PDE4D: variants seen among roughly 807,000 people sequenced by gnomAD.
PDE4D encodes the protein 3',5'-cyclic-AMP phosphodiesterase 4D.
A neutral mutation model predicts 87.4 loss-of-function variants in PDE4D; 24 were observed. The observed-to-expected ratio is 0.27, with a 90% CI of 0.20 to 0.39. The LOEUF (loss-of-function observed/expected upper bound fraction) is 0.39. PDE4D is among the 10% of genes least tolerant of loss of function. The pLI, the probability that PDE4D is intolerant of heterozygous loss-of-function variation, is 1.00. For missense variants in PDE4D, 714 were observed against 1,041.0 expected (o/e 0.69, Z 4.32); for synonymous variants, 384 against 383.2 (o/e 1.00, Z -0.02).
intron 1 of PDE4D, among the ~76,000 whole-genome samples, chr5:60,266,397 T>G (rs1750217328): frequency 1.3e-5 from 2 of 152,196 alleles, no homozygotes; most frequent in Non-Finnish European, 2.9e-5. Context: ...TCTGGCAATC[T>G]AAAATTTTTG....
At chr5:59,208,548 C>T (rs1749345839) in intron 2 of PDE4D, among the ~76,000 whole-genome samples, 1 of 152,164 alleles carries the variant, frequency 6.6e-6, no homozygotes, top group African/African-American at 2.4e-5. Flanking sequence ...GCATTAAAAT[C>T]AATGCTTTAT....
Position 58,974,828 on chromosome 5 carries a change from C to T in PDE4D, c.2266G>A (p.Val756Met), listed in dbSNP as rs752733564. The T allele has an allele frequency of 6.2e-7, 1 of 1,613,576 alleles. No homozygotes were observed. The highest frequency in any genetic ancestry group is 8.5e-7 in the Non-Finnish European group (1 of 1,179,640). Residue 756 changes from valine to methionine, a missense_variant, in exon 15 of 15, where the codon GTG becomes ATG. Val to Met is a conservative substitution (Grantham distance 21). Around this residue, in one of 7 missense-constraint regions of PDE4D, gnomAD observed 90 missense variants for 95.3 expected, o/e 0.94. Transcript: ENST00000340635. ...SDTEKDSGSQVEEDTSCSDSK... is the reference protein window; with the variant it reads ...SDTEKDSGSQMEEDTSCSDSK... Reference sequence around the variant, plus strand: ...TCACTGCAGCTAGTGTCTTCTTCCACTTGACTGCCACTGTCCTTTTCCGTG... The same window carrying T: ...TCACTGCAGCTAGTGTCTTCTTCCATTTGACTGCCACTGTCCTTTTCCGTG...
rs911426574 is a variant in PDE4D, at chr5:59,873,437, T to C, written c.455+19731A>G. On this transcript the variant is annotated intron_variant, in intron 1 of 14. Transcript: ENST00000340635. ...AGCTCACCAGATGCAGGAGTGGGAT[T>C]TGCCACTCCAACTATGCAGAAGCTT... 5.9e-5 allele frequency among the ~76,000 whole-genome samples: 9 copies of C among 152,172 alleles called. No individual in the cohort carries two copies. In the South Asian group the frequency reaches 1.9e-3, roughly 32 times the overall value.
At chr5:59,818,001 A>G (rs1032045934) in intron 1 of PDE4D, among the ~76,000 whole-genome samples, 1 of 152,166 alleles carries the variant, frequency 6.6e-6, no homozygotes, top group Non-Finnish European at 1.5e-5. Context: ...AAAGGGGTGG[A>G]GAGAGATCAA....
At chr5:59,117,807 C>CTTT (rs201039884) in intron 5 of PDE4D, among the ~76,000 whole-genome samples, 55 of 142,026 alleles carry the variant, frequency 3.9e-4, no homozygotes, top group South Asian at 6.8e-4. Context: ...AGGTTTTTAA[C>CTTT]TTTTTTTTTT....
chr5:59,115,702 A>G (rs10041861), intron 5 of PDE4D, among the ~76,000 whole-genome samples: 2,331 of 152,246 alleles, frequency 0.015, 56 homozygotes, highest in African/African-American at 0.054. Context: ...CTAAGTTCTT[A>G]ATAGTTAGGA....
chr5:60,339,757 G>C (rs1758140601), intron 1 of PDE4D, among the ~76,000 whole-genome samples: 1 of 152,130 alleles, frequency 6.6e-6, no homozygotes, highest in Non-Finnish European at 1.5e-5. Context: ...CTCGACATGT[G>C]CTTTCTGGAA....
chr5:60,043,497 G>T (rs980202035), intron 2 of PDE4D, among the ~76,000 whole-genome samples: 2 of 152,110 alleles, frequency 1.3e-5, no homozygotes, highest in African/African-American at 2.4e-5. Context: ...ATAATCATCA[G>T]ATTCACCAAG....
At chr5:60,498,546 G>A (rs1193013181) in intron 1 of PDE4D, among the ~76,000 whole-genome samples, 1 of 152,218 alleles carries the variant, frequency 6.6e-6, no homozygotes, top group Non-Finnish European at 1.5e-5. Flanking sequence ...CATCCTAGCT[G>A]CTAAGGTTGG....
chr5:60,048,471 T>C (rs1019037982), intron 2 of PDE4D, among the ~76,000 whole-genome samples: 1 of 152,210 alleles, frequency 6.6e-6, no homozygotes, highest in Non-Finnish European at 1.5e-5. Flanking sequence ...CGATGGTCTT[T>C]ACATTTTGGC....
intron 8 of PDE4D, 102 bp downstream of exon 8, chr5:58,991,728 ACC>A (rs75062622): frequency 3.1e-5 from 1 of 32,102 alleles, no homozygotes; most frequent in Non-Finnish European, 4.9e-5. Flanking sequence ...AAAAAAAAAA[ACC>A]CCAATTAATA....
Position 59,548,963 on chromosome 5 carries a change from G to A in PDE4D, c.456-332995C>T, listed in dbSNP as rs1817697294. ...GAAATAGGAGTTAGGGGTGGCTGTA[G>A]GTTCCACGAATCATTATTATTTTCA... is the stretch of plus-strand genomic sequence containing the variant. On this transcript the variant is annotated intron_variant, in intron 1 of 14. Coordinates refer to ENST00000340635, the MANE Select transcript of PDE4D (RefSeq NM_001104631.2). Among the ~76,000 whole-genome samples the A allele has an allele frequency of 2.0e-5, 3 of 152,102 alleles. No homozygotes were observed. In the South Asian group the frequency reaches 6.2e-4, roughly 32 times the overall value.
chr5:59,302,051 T>C (rs1174200890), intron 1 of PDE4D, among the ~76,000 whole-genome samples: 1 of 151,974 alleles, frequency 6.6e-6, no homozygotes, highest in Non-Finnish European at 1.5e-5. Flanking sequence ...AACGTCAGAG[T>C]TTGCCTGATA....
At chr5:59,010,627 A>C (rs1752599636) in intron 6 of PDE4D, among the ~76,000 whole-genome samples, 1 of 152,058 alleles carries the variant, frequency 6.6e-6, no homozygotes, top group South Asian at 2.1e-4. Flanking sequence ...TCTAGGCTGT[A>C]AGTACCATGT....
intron 2 of PDE4D, among the ~76,000 whole-genome samples, chr5:60,182,355 T>G (rs1784435521): frequency 6.6e-6 from 1 of 152,232 alleles, no homozygotes; most frequent in Non-Finnish European, 1.5e-5. Context: ...TCCATTATAC[T>G]AGTCACTACC....
At chr5:59,824,563 T>C (rs1581272031) in intron 1 of PDE4D, among the ~76,000 whole-genome samples, 1 of 152,216 alleles carries the variant, frequency 6.6e-6, no homozygotes, top group South Asian at 2.1e-4. Flanking sequence ...TAAGTAAAGA[T>C]TGAGTATCTA....
chr5:59,968,066 C>A lies in PDE4D; in HGVS notation c.272+20422G>T, dbSNP rs768741838. Among the ~76,000 whole-genome samples, 2 of 147,268 alleles carry A rather than the reference C, an allele frequency of 1.4e-5. 1 individual carries two copies. Among genetic ancestry groups the A allele is most frequent in the East Asian group, 4.0e-4 (2 of 4,962 alleles). ...ATGACCCGATCTCAGCTCACCACAA[C>A]CTCCACCTCCTGGGTTCAAGCAATT... On this transcript the variant is annotated intron_variant, in intron 3 of 16. Coordinates refer to the PDE4D transcript ENST00000502484.
At chr5:59,955,909 T>A (rs571684005) in intron 3 of PDE4D, among the ~76,000 whole-genome samples, 120 of 152,310 alleles carry the variant, frequency 7.9e-4, no homozygotes, top group African/African-American at 2.7e-3. Flanking sequence ...AACGGCCCTG[T>A]ATTTTACTCC....
intron 1 of PDE4D, among the ~76,000 whole-genome samples, chr5:60,450,193 A>T (rs1030742808): frequency 3.3e-5 from 5 of 152,078 alleles, no homozygotes; most frequent in African/African-American, 9.7e-5. Flanking sequence ...TTACCTTTTT[A>T]AAAAAATCTG....
Sources: allele counts gnomAD v4.1 joint callset (sites outside exome capture counted in the v4.1 genomes callset), GRCh38; gene constraint gnomAD v4.1.1; regional missense constraint gnomAD v4.1.1; transcripts MANE v1.5; gene names NCBI Gene and HGNC (gene_info 2026-07-23, HGNC 2026-07-21).